Variants in MOB3B observed in about 807,000 individuals in gnomAD.
MOB3B encodes the protein MOB kinase activator 3B.
In MOB3B, 7 loss-of-function variants were observed where a neutral mutation model predicts 18.7. The ratio of observed to expected loss-of-function variants is 0.37; its 90% confidence interval spans 0.21 to 0.70. MOB3B has a LOEUF of 0.70. Ranked by LOEUF, MOB3B falls within the 30% of genes least tolerant of loss-of-function variation. MOB3B has a pLI of 0.52. For synonymous variants in MOB3B, 111 were observed against 99.9 expected, an observed-to-expected ratio of 1.11 and a Z score of -0.66; for missense variants, 253 against 281.3, an observed-to-expected ratio of 0.90 and a Z score of 0.72.
At chr9:27,346,118 A>AT (rs1336135152) in intron 3 of MOB3B, among the ~76,000 whole-genome samples, 1 of 152,192 alleles carries the variant, frequency 6.6e-6, no homozygotes, top group Non-Finnish European at 1.5e-5. Context: ...AAGAGACCTG[A>AT]TGGGGGGCTT....
chr9:27,486,492 G>A (rs2131482894), intron 1 of MOB3B, among the ~76,000 whole-genome samples: 1 of 152,326 alleles, frequency 6.6e-6, no homozygotes, highest in South Asian at 2.1e-4. Context: ...TGTGTCTTGA[G>A]TAATCACATC....
chr9:27,411,329 C>T (rs542581558), intron 2 of MOB3B, among the ~76,000 whole-genome samples: 1 of 152,280 alleles, frequency 6.6e-6, no homozygotes, highest in East Asian at 1.9e-4. Flanking sequence ...GTTCAAATTT[C>T]CAAGAAGGAA....
intron 2 of MOB3B, among the ~76,000 whole-genome samples, chr9:27,443,709 A>G (rs548779352): frequency 6.6e-6 from 1 of 152,164 alleles, no homozygotes; most frequent in Non-Finnish European, 1.5e-5. Context: ...AGTTGCCCCA[A>G]GGGCTGGGCA....
chr9:27,466,055 T>A (rs991645112), intron 1 of MOB3B, among the ~76,000 whole-genome samples: 12 of 152,142 alleles, frequency 7.9e-5, no homozygotes, highest in African/African-American at 2.2e-4. Flanking sequence ...GAATTTCTCC[T>A]CAAAAAATGG....
At chr9:27,370,508 C>CA (rs761033781) in intron 2 of MOB3B, among the ~76,000 whole-genome samples, 7,166 of 81,894 alleles carry the variant, frequency 0.088, 511 homozygotes, top group African/African-American at 0.19. Flanking sequence ...AACTCCATCT[C>CA]AGAAAAAAAA....
At chr9:27,381,891 C>T (rs959623809) in intron 2 of MOB3B, among the ~76,000 whole-genome samples, 1 of 152,136 alleles carries the variant, frequency 6.6e-6, no homozygotes, top group Admixed American at 6.5e-5. Flanking sequence ...AGCAATCCTC[C>T]AGCCTTGGCA....
chr9:27,518,660 G>T (rs1820276501), intron 1 of MOB3B, among the ~76,000 whole-genome samples: 2 of 152,136 alleles, frequency 1.3e-5, no homozygotes. Flanking sequence ...AGTTGGGCTG[G>T]AAAAGACAAC....
chr9:27,504,235 C>G (rs1820027459), intron 1 of MOB3B, among the ~76,000 whole-genome samples: 1 of 152,158 alleles, frequency 6.6e-6, no homozygotes, highest in Non-Finnish European at 1.5e-5. Context: ...CTGCCTGTCC[C>G]CCAGTCCAGT....
intron 3 of MOB3B, among the ~76,000 whole-genome samples, chr9:27,341,780 C>T (rs1352710133): frequency 6.6e-6 from 1 of 152,094 alleles, no homozygotes; most frequent in Admixed American, 6.6e-5. Context: ...TAGTGACTTG[C>T]CCAAGGTTAC....
At chr9:27,458,670 C>G (rs999856415) in intron 1 of MOB3B, among the ~76,000 whole-genome samples, 18 of 147,576 alleles carry the variant, frequency 1.2e-4, no homozygotes, top group Non-Finnish European at 1.9e-4. Context: ...CCTGTCTCAG[C>G]CTTCTAAGTA....
intron 1 of MOB3B, among the ~76,000 whole-genome samples, chr9:27,488,925 C>G (rs753247226): frequency 1.2e-4 from 18 of 152,176 alleles, no homozygotes; most frequent in Non-Finnish European, 1.9e-4. Flanking sequence ...CCATTACATG[C>G]CAGGGGCTCA....
At chr9:27,391,954 T>C (rs1330856992) in intron 2 of MOB3B, among the ~76,000 whole-genome samples, 3 of 152,268 alleles carry the variant, frequency 2.0e-5, no homozygotes, top group Admixed American at 6.5e-5. Flanking sequence ...CATGATGCCA[T>C]GCCTCTATAA....
At position 27,486,691 on chromosome 9, in the gene MOB3B, C is replaced by T. The variant is rs191434161; in HGVS notation, c.-198-30943G>A. ...TCTAGAGATGAGAAGCAGAAATCCA[C>T]CCAGGCTAGTGTGACTGTGGGGAGA... On this transcript the variant is annotated intron_variant, in intron 1 of 3. Transcript: ENST00000262244. 1.4e-3 allele frequency among the ~76,000 whole-genome samples: 207 copies of T among 152,276 alleles called. 4 individuals are homozygous for T. Among genetic ancestry groups the T allele is most frequent in the Admixed American group, 0.011 (163 of 15,294 alleles).
chr9:27,383,980 C>T (rs1270856824), intron 2 of MOB3B, among the ~76,000 whole-genome samples: 1 of 152,146 alleles, frequency 6.6e-6, no homozygotes, highest in Non-Finnish European at 1.5e-5. Context: ...CAGGAAATTT[C>T]CTGGTATAGA....
At chr9:27,346,717 G>A (rs186235829) in intron 3 of MOB3B, among the ~76,000 whole-genome samples, 107 of 152,180 alleles carry the variant, frequency 7.0e-4, no homozygotes, top group African/African-American at 2.2e-3. Flanking sequence ...ATTAGAGGCC[G>A]GGTGCGGTGG....
intron 2 of MOB3B, among the ~76,000 whole-genome samples, chr9:27,405,624 A>T (rs1404447192): frequency 6.6e-6 from 1 of 152,056 alleles, no homozygotes; most frequent in Non-Finnish European, 1.5e-5. Context: ...AGTTGCCTGT[A>T]TTTTTGAGGT....
chr9:27,439,189 C>T (rs1822559689), intron 2 of MOB3B, among the ~76,000 whole-genome samples: 1 of 152,116 alleles, frequency 6.6e-6, no homozygotes. Context: ...ACAAGGTTAA[C>T]AGACTGAGGA....
chr9:27,470,903 TTTTG>T (rs1487925732), intron 1 of MOB3B, among the ~76,000 whole-genome samples: 3 of 152,316 alleles, frequency 2.0e-5, no homozygotes, highest in East Asian at 1.9e-4. Context: ...GCCTTTTATC[TTTTG>T]TTTGTTTGTT....
At chr9:27,427,234 C>G (rs917668273) in intron 2 of MOB3B, among the ~76,000 whole-genome samples, 1 of 152,164 alleles carries the variant, frequency 6.6e-6, no homozygotes, top group Non-Finnish European at 1.5e-5. Context: ...CTTAGTACAA[C>G]CCATAGACTT....
Sources: allele counts gnomAD v4.1 joint callset (sites outside exome capture counted in the v4.1 genomes callset), GRCh38; gene constraint gnomAD v4.1.1; transcripts MANE v1.5; gene names NCBI Gene and HGNC (gene_info 2026-07-23, HGNC 2026-07-21).